Variants in PCDHA1 observed in about 807,000 individuals in gnomAD.
PCDHA1 encodes protocadherin alpha-1.
In PCDHA1, 42 loss-of-function variants were observed where a neutral mutation model predicts 61.3. That is an observed-to-expected ratio of 0.69 (90% CI 0.54 to 0.89). The LOEUF (loss-of-function observed/expected upper bound fraction) is 0.89, where lower values mean the gene tolerates loss of function less well. Among genes scored for constraint, PCDHA1 ranks in the 40% least tolerant of loss-of-function variants. The pLI is 0.00. For synonymous variants in PCDHA1, 610 were observed against 553.8 expected, an observed-to-expected ratio of 1.10 and a Z score of -1.43; for missense variants, 1,256 against 1,235.3, an observed-to-expected ratio of 1.02 and a Z score of -0.25.
intron 1 of PCDHA1, chr5:140,841,363 A>G (rs1777178897): frequency 2.5e-6 from 4 of 1,613,472 alleles, no homozygotes; most frequent in African/African-American, 1.3e-5. Context: ...CCTGGCGACT[A>G]CTACTCTTGC....
At chr5:140,819,081 G>A (rs2150103070) in intron 1 of PCDHA1, among the ~76,000 whole-genome samples, 416 of 152,236 alleles carry the variant, frequency 2.7e-3, no homozygotes, top group African/African-American at 9.5e-3. Context: ...TACAGGCAGC[G>A]CTAAGATGTG....
intron 1 of PCDHA1, chr5:140,828,048 A>C: frequency 6.5e-7 from 1 of 1,544,030 alleles, no homozygotes; most frequent in Non-Finnish European, 8.7e-7. Flanking sequence ...TTTTATCTTT[A>C]TGCGGAAGAT....
At chr5:140,835,706 G>A in intron 1 of PCDHA1, 1 of 1,613,896 alleles carries the variant, frequency 6.2e-7, no homozygotes, top group Non-Finnish European at 8.5e-7. Context: ...CTGCTAGCGT[G>A]TCCGTGGAGG....
chr5:140,937,511 G>A (rs569896730), intron 1 of PCDHA1, among the ~76,000 whole-genome samples: 2 of 152,166 alleles, frequency 1.3e-5, no homozygotes, highest in Non-Finnish European at 2.9e-5. Context: ...CAGCTACTCA[G>A]GAGGCTGAGG....
chr5:140,834,220 A>T (rs4151685), intron 1 of PCDHA1: 3 of 685,996 alleles, frequency 4.4e-6, no homozygotes, highest in Non-Finnish European at 7.2e-6. Context: ...CGTAATCAGC[A>T]AAAGGAAGTC....
At chr5:140,829,334 C>T (rs1554131892) in intron 1 of PCDHA1, 1 of 1,614,112 alleles carries the variant, frequency 6.2e-7, no homozygotes, top group South Asian at 1.1e-5. Flanking sequence ...TGCCCTGGAC[C>T]GCGAGAGCGT....
intron 1 of PCDHA1, chr5:140,823,015 C>G: frequency 1.9e-6 from 3 of 1,614,224 alleles, no homozygotes; most frequent in Non-Finnish European, 2.5e-6. Flanking sequence ...CGCCCTGGAC[C>G]GCGAGAGCGT....
chr5:140,965,821 C>T (rs782710036), intron 1 of PCDHA1, among the ~76,000 whole-genome samples: 9 of 152,150 alleles, frequency 5.9e-5, no homozygotes, highest in Non-Finnish European at 1.0e-4. Flanking sequence ...GCATTTTAAA[C>T]ATTTAAATAT....
chr5:140,922,381 A>T (rs1554200794), intron 1 of PCDHA1, among the ~76,000 whole-genome samples: 2 of 152,208 alleles, frequency 1.3e-5, no homozygotes, highest in Admixed American at 6.5e-5. Flanking sequence ...TGCAAAACCA[A>T]AGACTCCTTG....
intron 1 of PCDHA1, chr5:140,801,057 A>G: frequency 6.9e-7 from 1 of 1,449,086 alleles, no homozygotes; most frequent in Non-Finnish European, 9.0e-7. Context: ...AACAGCGTGC[A>G]TTACGTATTC....
chr5:140,970,527 ATG>A (rs1270257257), intron 1 of PCDHA1, among the ~76,000 whole-genome samples: 2 of 151,436 alleles, frequency 1.3e-5, no homozygotes, highest in African/African-American at 4.9e-5. Context: ...GTAGATGAAT[ATG>A]TGTGTGTGTT....
chr5:140,946,611 A>AATATATAGATATATATATATAT (rs2093974557), intron 1 of PCDHA1, among the ~76,000 whole-genome samples: 1 of 86,814 alleles, frequency 1.2e-5, no homozygotes, highest in Non-Finnish European at 2.1e-5. Context: ...GAAAATGTGA[A>AATATATAGATATATATATATAT]ATATATATAT....
intron 1 of PCDHA1, chr5:140,835,718 G>T (rs2150242992): frequency 1.9e-6 from 3 of 1,613,908 alleles, no homozygotes; most frequent in South Asian, 1.1e-5. Context: ...CCGTGGAGGT[G>T]GCCGACGTGA....
At chr5:140,870,886 G>A (rs17844350) in intron 1 of PCDHA1, 1 of 1,613,944 alleles carries the variant, frequency 6.2e-7, no homozygotes, top group East Asian at 2.2e-5. Flanking sequence ...GAAGGTGCGC[G>A]CAGTGGATGC....
At chr5:140,869,394 G>C (rs782128248) in intron 1 of PCDHA1, 1 of 1,614,196 alleles carries the variant, frequency 6.2e-7, no homozygotes, top group Non-Finnish European at 8.5e-7. Context: ...AGCTGTGCGG[G>C]CAGAGCGCGG....
intron 1 of PCDHA1, chr5:140,823,109 C>A (rs1197473169): frequency 6.2e-7 from 1 of 1,614,038 alleles, no homozygotes. Context: ...GTGGAAGTGG[C>A]CGACGTGAAC....
intron 1 of PCDHA1, among the ~76,000 whole-genome samples, chr5:140,789,680 C>G (rs1761545070): frequency 6.6e-6 from 1 of 152,042 alleles, no homozygotes; most frequent in Non-Finnish European, 1.5e-5. Context: ...AAGCACCTCC[C>G]ATTCCTCCCA....
intron 1 of PCDHA1, among the ~76,000 whole-genome samples, chr5:140,845,293 T>A (rs1779796501): frequency 6.7e-6 from 1 of 149,672 alleles, no homozygotes; most frequent in African/African-American, 2.4e-5. Flanking sequence ...CTATCCTGTC[T>A]ATGTCTACCT....
intron 3 of PCDHA1, among the ~76,000 whole-genome samples, chr5:141,007,112 G>A (rs1554261059): frequency 6.6e-6 from 1 of 152,170 alleles, no homozygotes; most frequent in African/African-American, 2.4e-5. Flanking sequence ...ACCCAAGGAA[G>A]CTTCAACACA....
Sources: allele counts gnomAD v4.1 joint callset (sites outside exome capture counted in the v4.1 genomes callset), GRCh38; gene constraint gnomAD v4.1.1; transcripts MANE v1.5; gene names NCBI Gene and HGNC (gene_info 2026-07-23, HGNC 2026-07-21).